The following ZNF728 variants were observed in gnomAD, a reference collection of about 807,000 sequenced individuals.
ZNF728 encodes zinc finger protein 728.
In ZNF728, 12 loss-of-function variants were observed where a neutral mutation model predicts 12.5. The ratio of observed to expected loss-of-function variants is 0.96; its 90% confidence interval spans 0.61 to 1.55. ZNF728 has a LOEUF of 1.55. ZNF728 is among the 40% of genes most tolerant of loss of function. The probability of loss-of-function intolerance (pLI) is 0.00; values close to 1 mark genes in which losing one functional copy is unlikely to be tolerated. For missense variants in ZNF728, 692 were observed against 719.2 expected (o/e 0.96, Z 0.43); for synonymous variants, 205 against 240.7 (o/e 0.85, Z 1.37).
chr19:22,996,895 C>A lies in ZNF728; in HGVS notation c.3+6133G>T, dbSNP rs560186447. 2.2e-3 allele frequency among the ~76,000 whole-genome samples: 333 copies of A among 152,244 alleles called. 1 individual carries two copies. The highest frequency in any genetic ancestry group is 3.5e-3 in the Admixed American group (54 of 15,302). ...CCAGGTCTCTGGACAAGTTCTTGAA[C>A]TCTTGGATCTCTGAATTTTGCACAG... On this transcript the variant is annotated intron_variant, in intron 1 of 3. Transcript: ENST00000594710.
Position 22,976,534 on chromosome 19 carries a change from G to A in ZNF728, c.803C>T (p.Ser268Phe). 6.2e-7 allele frequency: 1 copy of A among 1,612,034 alleles called. No homozygotes were observed. The change falls in exon 4 of 4, where the codon TCC becomes TTC. Residue 268 changes from serine (S) to phenylalanine (F), a missense_variant. By Grantham distance (155) the Ser-to-Phe change is radical. Around this residue, in one of 3 missense-constraint regions of ZNF728, gnomAD observed 440 missense variants for 459.6 expected, o/e 0.96. Coordinates refer to ENST00000594710, the MANE Select transcript of ZNF728 (RefSeq NM_001267716.2). ...CEECGKAFTR[S>F]SSLIEHKRSH... ...TCTCTTATGTTCAATAAGGCTTGAG[G>A]ACCGGGTGAAGGCTTTGCCACATTC...
chr19:22,989,878 G>C (rs1426243370), intron 1 of ZNF728, among the ~76,000 whole-genome samples: 1 of 152,014 alleles, frequency 6.6e-6, no homozygotes, highest in Non-Finnish European at 1.5e-5. Context: ...ACATAATAAG[G>C]AACACAGACA....
At chr19:22,977,334 C>T (rs1362684600) in intron 3 of ZNF728, among the ~76,000 whole-genome samples, 3 of 152,018 alleles carry the variant, frequency 2.0e-5, no homozygotes, top group Non-Finnish European at 4.4e-5. Context: ...GAATTAAGCC[C>T]AATGCAAAGA....
In ZNF728 at chr19:22,977,589, C is replaced by T. The variant is rs150854507; in HGVS notation, c.227-479G>A. ...TATACTTAGAAATGACAGTTTGAGT[C>T]TGTTGAGACCAAAGATAAATACAAT... is the stretch of plus-strand genomic sequence containing the variant. On this transcript the variant is annotated intron_variant, in intron 3 of 3. Transcript: ENST00000594710. 2.3e-3 allele frequency among the ~76,000 whole-genome samples: 348 copies of T among 152,296 alleles called. 2 individuals are homozygous for T. The highest frequency in any genetic ancestry group is 3.9e-3 in the Non-Finnish European group (268 of 68,024).
rs1452231513 is a variant in ZNF728, at chr19:22,975,164, T to C, written c.*304A>G. 6.6e-6 allele frequency among the ~76,000 whole-genome samples: 1 copy of C among 152,186 alleles called. No homozygotes were observed. Among genetic ancestry groups the C allele is most frequent in the Admixed American group, 6.5e-5 (1 of 15,272 alleles). ...TTTGCAGTTTCTCTCTAGTATGAAT[T>C]AGCTTATGTCTGTTAAGAATTGAGG... On this transcript the variant is annotated 3_prime_UTR_variant, in exon 4 of 4. Transcript: ENST00000594710.
At chr19:22,977,165 C>T in intron 3 of ZNF728, 55 bp from the exon 4 acceptor site, 1 of 1,417,300 alleles carries the variant, frequency 7.1e-7, no homozygotes, top group Non-Finnish European at 9.3e-7. Context: ...ATATAGTTTC[C>T]AAATTTAACC....
intron 3 of ZNF728, among the ~76,000 whole-genome samples, chr19:22,984,782 C>T (rs988146249): frequency 4.6e-5 from 7 of 151,534 alleles, no homozygotes; most frequent in Admixed American, 2.0e-4. Context: ...AAACAGTAAC[C>T]CCAAAAGTAT....
chr19:22,986,385 C>T (rs1968917482), intron 3 of ZNF728, among the ~76,000 whole-genome samples: 1 of 151,880 alleles, frequency 6.6e-6, no homozygotes, highest in Non-Finnish European at 1.5e-5. Flanking sequence ...ATAAACAGTA[C>T]ATTAAAACCT....
intron 1 of ZNF728, among the ~76,000 whole-genome samples, chr19:22,989,219 T>TA (rs1379563407): frequency 2.0e-5 from 3 of 150,210 alleles, no homozygotes; most frequent in Admixed American, 6.6e-5. Flanking sequence ...AGATTATTAT[T>TA]TTTTTTTTTC....
At chr19:22,980,597 C>T (rs187275885) in intron 3 of ZNF728, among the ~76,000 whole-genome samples, 5 of 152,238 alleles carry the variant, frequency 3.3e-5, no homozygotes, top group East Asian at 1.9e-4. Context: ...AACACCACAT[C>T]ACACTTATTC....
chr19:23,002,244 G>A (rs1568279679), intron 1 of ZNF728, among the ~76,000 whole-genome samples: 1 of 152,232 alleles, frequency 6.6e-6, no homozygotes, highest in Non-Finnish European at 1.5e-5. Flanking sequence ...GAACCTGGGA[G>A]GCGGAGATTG....
chr19:22,976,993 A>C lies in ZNF728; in HGVS notation c.344T>G (p.Ile115Ser). 6.2e-7 allele frequency: 1 copy of C among 1,613,480 alleles called. No individual in the cohort carries two copies. The highest frequency in any genetic ancestry group is 8.5e-7 in the Non-Finnish European group (1 of 1,179,758). The part of the protein sequence containing the change: ...KCGHENLQLK[I>S]GCTNVDECKV... The stretch of plus-strand genomic sequence containing the variant: ...ACACTCATCCACATTGGTACAACCA[A>C]TTTTTAACTGTAAATTCTCATGTCC... Residue 115 changes from isoleucine (I) to serine (S), a missense_variant, in exon 4 of 4, where the codon ATT becomes AGT. Ile to Ser is a moderately radical substitution (Grantham distance 142). Coordinates refer to ENST00000594710, the MANE Select transcript of ZNF728 (RefSeq NM_001267716.2).
At chr19:22,990,120 G>A (rs1440039766) in intron 1 of ZNF728, among the ~76,000 whole-genome samples, 1 of 152,080 alleles carries the variant, frequency 6.6e-6, no homozygotes, top group African/African-American at 2.4e-5. Context: ...ACTATTGTAA[G>A]AATTTTTTAA....
chr19:22,988,179 A>G, intron 2 of ZNF728, 146 bp downstream of exon 2: 1 of 1,445,602 alleles, frequency 6.9e-7, no homozygotes, highest in Non-Finnish European at 9.3e-7. Context: ...ACTAGAAGCA[A>G]AGAGCCCCCT....
At chr19:22,997,896 C>G (rs441198) in intron 1 of ZNF728, among the ~76,000 whole-genome samples, 64,080 of 151,514 alleles carry the variant, frequency 0.42, 16,578 homozygotes, top group African/African-American at 0.75. Context: ...CTTCAAAGGA[C>G]ACAAATGTGG....
chr19:22,978,886 T>A (rs1268606065), intron 3 of ZNF728, among the ~76,000 whole-genome samples: 3 of 152,116 alleles, frequency 2.0e-5, no homozygotes, highest in African/African-American at 7.2e-5. Context: ...GGTAGATAAA[T>A]CCATAAAGAT....
intron 3 of ZNF728, 146 bp downstream of exon 3, chr19:22,987,162 G>A (rs1179117907): frequency 8.5e-6 from 6 of 708,576 alleles, no homozygotes; most frequent in Non-Finnish European, 1.1e-5. Context: ...GCCACTGTGT[G>A]AGAGAAAATT....
rs113529055 is a variant in ZNF728, at chr19:22,988,441, G to A, written c.14C>T (p.Thr5Ile). Residue 5 changes from threonine (T) to isoleucine (I), a missense_variant, in exon 2 of 4, where the codon ACA becomes ATA. This residue lies in a region of ZNF728 where 440 missense variants were observed against 459.6 expected (regional missense o/e 0.96). Transcript: ENST00000594710. MGSL[T>I]FRDVAIQFSL... The stretch of plus-strand genomic sequence containing the variant: ...GAATTGTATGGCCACATCCCGAAAT[G>A]TCAACGATCCCTGGAAAACACACAC... 6.2e-7 allele frequency: 1 copy of A among 1,613,912 alleles called. No individual in the cohort carries two copies. The highest frequency in any genetic ancestry group is 8.5e-7 in the Non-Finnish European group (1 of 1,179,924).
intron 3 of ZNF728, among the ~76,000 whole-genome samples, chr19:22,981,965 G>A (rs939131829): frequency 8.6e-5 from 13 of 152,012 alleles, no homozygotes; most frequent in East Asian, 5.8e-4. Context: ...TTTGAAAACC[G>A]GCACAAGACA....
Sources: gnomAD v4.1 joint callset for allele counts (sites outside exome capture counted in the v4.1 genomes callset) on GRCh38, gnomAD v4.1.1 for gene constraint, gnomAD v4.1.1 regional missense constraint, MANE v1.5 for transcripts, NCBI Gene and HGNC (gene_info 2026-07-23, HGNC 2026-07-21) for gene names.